The following ANKRD11 variants were observed in gnomAD, a reference collection of about 807,000 sequenced individuals.
ANKRD11 encodes the protein ankyrin repeat domain-containing protein 11.
Under a neutral mutation model 195.7 loss-of-function variants are expected in ANKRD11, and 17 were observed. That is an observed-to-expected ratio of 0.09 (90% confidence interval 0.06 to 0.13). The LOEUF (loss-of-function observed/expected upper bound fraction) is 0.13. Ranked by LOEUF, ANKRD11 falls within the 10% of genes least tolerant of loss-of-function variation. The pLI, the probability that ANKRD11 is intolerant of heterozygous loss-of-function variation, is 1.00. For synonymous variants in ANKRD11, 1,953 were observed against 1,528.1 expected (o/e 1.28, Z -6.49); for missense variants, 3,735 against 3,566.1 (o/e 1.05, Z -1.21).
rs1454621027 is a variant in ANKRD11, at chr16:89,334,159, A to AC, written c.-59-17082_-59-17081insG. ...CCCTGTGTTTTAAAAAAAAAAAAAAAAAAAAAAAAAAAAACAGAGAGAGAG... is the reference window on the plus strand; with the variant it reads ...CCCTGTGTTTTAAAAAAAAAAAAAAACAAAAAAAAAAAAAACAGAGAGAGAG... On this transcript the variant is annotated intron_variant, in intron 2 of 12. Transcript: ENST00000301030. 3.3e-3 allele frequency among the ~76,000 whole-genome samples: 463 copies of AC among 141,280 alleles called. 33 individuals are homozygous for AC. In the East Asian group the frequency reaches 0.048, roughly 15 times the overall value. The allele number at this position is 141,280 out of a possible 152,430, so 92.7% of individuals were successfully genotyped here.
intron 1 of ANKRD11, among the ~76,000 whole-genome samples, chr16:89,474,627 C>T (rs563414427): frequency 2.2e-4 from 34 of 152,280 alleles, no homozygotes; most frequent in African/African-American, 7.9e-4. Context: ...TTCCAACCTA[C>T]CACCAACACA....
chr16:89,361,264 G>T (rs978929036), intron 2 of ANKRD11, among the ~76,000 whole-genome samples: 12 of 152,202 alleles, frequency 7.9e-5, no homozygotes, highest in African/African-American at 9.6e-5. Flanking sequence ...GCCCCAAGCA[G>T]CAGGAAACGG....
chr16:89,313,651 G>C, intron 3 of ANKRD11: 1 of 1,258,664 alleles, frequency 7.9e-7, no homozygotes, highest in Non-Finnish European at 1.0e-6. Flanking sequence ...GTTTATGGTA[G>C]AAGACTGAGC....
chr16:89,446,826 C>T (rs2965817), intron 1 of ANKRD11, among the ~76,000 whole-genome samples: 72,457 of 151,694 alleles, frequency 0.48, 17,845 homozygotes, highest in Middle Eastern at 0.66. Flanking sequence ...ATCCGCTTCT[C>T]TCCTCCTCCA....
intron 1 of ANKRD11, among the ~76,000 whole-genome samples, chr16:89,460,711 C>T (rs902813936): frequency 2.6e-5 from 4 of 152,052 alleles, no homozygotes; most frequent in African/African-American, 9.7e-5. Flanking sequence ...CACTCCAGCC[C>T]GAGCAAGACA....
In ANKRD11 at chr16:89,385,472, C is replaced by A. The variant is rs114571279; in HGVS notation, c.-60+32812G>T. On this transcript the variant is annotated intron_variant, in intron 2 of 12. Coordinates refer to ENST00000301030, the MANE Select transcript of ANKRD11 (RefSeq NM_013275.6). ...TGGCAGAGCAGACTGAGCCCGTCCA[C>A]AAGCCAGCACCGGGCAGAGGGAAGG... Among the ~76,000 whole-genome samples the A allele has an allele frequency of 1.6e-3, 238 of 152,264 alleles. 3 individuals carry two copies. Among genetic ancestry groups the A allele is most frequent in the Middle Eastern group, 0.014 (4 of 294 alleles).
chr16:89,365,281 T>C (rs1477323636), intron 2 of ANKRD11, among the ~76,000 whole-genome samples: 1 of 152,214 alleles, frequency 6.6e-6, no homozygotes, highest in African/African-American at 2.4e-5. Context: ...TCTTATCACG[T>C]AGTCTAAACC....
chr16:89,308,621 C>T (rs541116013), intron 3 of ANKRD11, among the ~76,000 whole-genome samples: 22 of 152,286 alleles, frequency 1.4e-4, no homozygotes, highest in East Asian at 1.3e-3. Flanking sequence ...AGCAAACGCC[C>T]GGGAGGCTTT....
intron 2 of ANKRD11, among the ~76,000 whole-genome samples, chr16:89,329,372 A>C (rs1258476790): frequency 6.6e-6 from 1 of 152,098 alleles, no homozygotes; most frequent in Non-Finnish European, 1.5e-5. Context: ...ACTTCCTGTG[A>C]GTCTATAATG....
At chr16:89,346,757 A>G (rs2038959665) in intron 2 of ANKRD11, among the ~76,000 whole-genome samples, 1 of 152,258 alleles carries the variant, frequency 6.6e-6, no homozygotes, top group South Asian at 2.1e-4. Context: ...AAATGTATTT[A>G]TATTTATCGC....
chr16:89,304,372 GCA>G (rs763786371), intron 4 of ANKRD11, among the ~76,000 whole-genome samples: 3 of 145,492 alleles, frequency 2.1e-5, no homozygotes, highest in South Asian at 2.2e-4. Context: ...GCATGCACAT[GCA>G]CACACATGCA....
intron 1 of ANKRD11, among the ~76,000 whole-genome samples, chr16:89,420,976 T>C (rs2042486525): frequency 1.3e-5 from 2 of 152,386 alleles, no homozygotes; most frequent in South Asian, 4.1e-4. Flanking sequence ...TACTGTCAGC[T>C]CCTGCCTACA....
At position 89,334,144 on chromosome 16, in the gene ANKRD11, T is replaced by TAAAAAAAAAAAAAAAA. The variant is rs869142504; in HGVS notation, c.-59-17082_-59-17067dup. On this transcript the variant is annotated intron_variant, in intron 2 of 12. Transcript: ENST00000301030. Reference sequence around the variant, plus strand: ...GGTAACATGATGAAACCCTGTGTTTTAAAAAAAAAAAAAAAAAAAAAAAAA... The same window carrying TAAAAAAAAAAAAAAAA: ...GGTAACATGATGAAACCCTGTGTTTTAAAAAAAAAAAAAAAAAAAAAAAAAAAAAAAAAAAAAAAAA... 3.6e-4 allele frequency among the ~76,000 whole-genome samples: 15 copies of TAAAAAAAAAAAAAAAA among 41,414 alleles called. 3 individuals carry two copies. Among genetic ancestry groups the TAAAAAAAAAAAAAAAA allele is most frequent in the African/African-American group, 1.4e-3 (15 of 10,446 alleles). 27.2% of individuals were successfully genotyped at this position (41,414 alleles called of 152,430 possible). A position where few individuals can be genotyped will look rare whatever the true frequency, so the allele number is the denominator to read the frequency against.
intron 4 of ANKRD11, among the ~76,000 whole-genome samples, chr16:89,292,170 A>G (rs1254888781): frequency 6.6e-6 from 1 of 152,192 alleles, no homozygotes; most frequent in Non-Finnish European, 1.5e-5. Context: ...TCGGGGAAGA[A>G]GGGCCACCAG....
At chr16:89,403,268 C>G (rs1783345109) in intron 2 of ANKRD11, among the ~76,000 whole-genome samples, 1 of 152,172 alleles carries the variant, frequency 6.6e-6, no homozygotes, top group African/African-American at 2.4e-5. Context: ...TCACTCACAC[C>G]AGCCACGCAC....
intron 3 of ANKRD11, among the ~76,000 whole-genome samples, chr16:89,312,727 G>C (rs971777906): frequency 6.6e-6 from 1 of 152,180 alleles, no homozygotes; most frequent in African/African-American, 2.4e-5. Flanking sequence ...TGCTCCTCCC[G>C]AAGCATGCGG....
chr16:89,300,219 G>C, intron 4 of ANKRD11: 1 of 229,620 alleles, frequency 4.4e-6, no homozygotes, highest in Non-Finnish European at 8.8e-6. Context: ...TGTGGGGTCT[G>C]TGCCCTGTGT....
At chr16:89,358,868 C>T (rs914369130) in intron 2 of ANKRD11, among the ~76,000 whole-genome samples, 1 of 152,046 alleles carries the variant, frequency 6.6e-6, no homozygotes, top group African/African-American at 2.4e-5. Flanking sequence ...CTCTGCTGCC[C>T]AGGCTGGAGC....
At chr16:89,446,429 C>A (rs2043795374) in intron 1 of ANKRD11, among the ~76,000 whole-genome samples, 2 of 152,080 alleles carry the variant, frequency 1.3e-5, no homozygotes, top group Non-Finnish European at 2.9e-5. Context: ...CATAGCAAAA[C>A]CCCATCTCTA....
Sources: gnomAD v4.1 joint callset for allele counts (sites outside exome capture counted in the v4.1 genomes callset) on GRCh38, gnomAD v4.1.1 for gene constraint, MANE v1.5 for transcripts, NCBI Gene and HGNC (gene_info 2026-07-23, HGNC 2026-07-21) for gene names.